CCDC148: variants seen among roughly 807,000 people sequenced by gnomAD.
CCDC148 encodes coiled-coil domain-containing protein 148.
CCDC148 carries 89 observed loss-of-function variants against 85.7 expected under a neutral mutation model. The observed-to-expected ratio is 1.04, with a 90% confidence interval of 0.87 to 1.24. The LOEUF is 1.24. CCDC148 is among the 50% of genes most tolerant of loss of function. The pLI, the probability that CCDC148 is intolerant of heterozygous loss-of-function variation, is 0.00. For missense variants in CCDC148, 692 were observed against 671.7 expected (o/e 1.03, Z -0.33); for synonymous variants, 230 against 213.9 (o/e 1.08, Z -0.66).
chr2:158,403,400 T>G (rs1685868341), intron 1 of CCDC148, among the ~76,000 whole-genome samples: 1 of 151,966 alleles, frequency 6.6e-6, no homozygotes, highest in African/African-American at 2.4e-5. Context: ...TACAGACACC[T>G]TCTCCAGAAG....
chr2:158,420,268 A>G (rs1204163497), intron 1 of CCDC148: 2 of 152,200 alleles, frequency 1.3e-5, no homozygotes, highest in African/African-American at 4.8e-5. Context: ...ATACTCCTCG[A>G]GAAAAGGAAC....
At chr2:158,417,879 C>A (rs1686575376) in intron 1 of CCDC148, among the ~76,000 whole-genome samples, 1 of 152,102 alleles carries the variant, frequency 6.6e-6, no homozygotes, top group Non-Finnish European at 1.5e-5. Context: ...GCAGGTGGTA[C>A]AATTAAAGGT....
At chr2:158,328,195 G>A (rs938840589) in intron 7 of CCDC148, among the ~76,000 whole-genome samples, 2 of 152,018 alleles carry the variant, frequency 1.3e-5, no homozygotes, top group East Asian at 3.9e-4. Context: ...CCCAGTGTGC[G>A]ATGTTGCCCT....
At chr2:158,396,093 C>T (rs1685511469) in intron 1 of CCDC148, among the ~76,000 whole-genome samples, 2 of 152,000 alleles carry the variant, frequency 1.3e-5, no homozygotes, top group Admixed American at 6.6e-5. Flanking sequence ...TTTGAATGTT[C>T]CAAAATTTTT....
At chr2:158,304,420 T>A (rs1217965753) in intron 9 of CCDC148, among the ~76,000 whole-genome samples, 2 of 152,106 alleles carry the variant, frequency 1.3e-5, no homozygotes, top group African/African-American at 2.4e-5. Context: ...GTCATGCTCA[T>A]TTACCTTTGA....
chr2:158,407,170 T>G (rs1686063685), intron 1 of CCDC148, among the ~76,000 whole-genome samples: 2 of 152,182 alleles, frequency 1.3e-5, no homozygotes, highest in Admixed American at 1.3e-4. Flanking sequence ...AACAGTTTTC[T>G]CTGTGGCCAT....
chr2:158,229,962 T>C (rs1440260208), intron 10 of CCDC148, among the ~76,000 whole-genome samples: 1 of 152,170 alleles, frequency 6.6e-6, no homozygotes, highest in East Asian at 1.9e-4. Flanking sequence ...TCACCTATGG[T>C]ATTCCTACCT....
intron 1 of CCDC148, among the ~76,000 whole-genome samples, chr2:158,427,897 C>T (rs1687151734): frequency 6.6e-6 from 1 of 151,998 alleles, no homozygotes; most frequent in Non-Finnish European, 1.5e-5. Context: ...GGGGCATTTT[C>T]CAAAAACTGA....
chr2:158,311,987 A>G lies in CCDC148; in HGVS notation c.903+1769T>C, dbSNP rs1039113278. On this transcript the variant is annotated intron_variant, in intron 8 of 13. Coordinates refer to ENST00000283233, the MANE Select transcript of CCDC148 (RefSeq NM_138803.4). ...GGTCATTCTGAAATGCTCCTCAGAA[A>G]AACATGTGTCTTCCAAAATTGAGAG... Among the ~76,000 whole-genome samples the G allele has an allele frequency of 9.8e-5, 15 of 152,324 alleles. 2 individuals are homozygous for G. In the South Asian group the frequency reaches 3.1e-3, roughly 32 times the overall value.
intron 11 of CCDC148, among the ~76,000 whole-genome samples, chr2:158,201,432 CAG>C (rs1267781977): frequency 2.7e-5 from 4 of 150,732 alleles, no homozygotes; most frequent in African/African-American, 9.8e-5. Context: ...TTTTTGGAGA[CAG>C]GGTCTCACTC....
At chr2:158,430,969 G>C (rs1337311990) in intron 1 of CCDC148, among the ~76,000 whole-genome samples, 1 of 151,818 alleles carries the variant, frequency 6.6e-6, no homozygotes, top group Non-Finnish European at 1.5e-5. Flanking sequence ...ATTAATAGCA[G>C]ATTAGATCTG....
chr2:158,294,539 G>A (rs765289964), intron 9 of CCDC148, among the ~76,000 whole-genome samples: 14 of 152,118 alleles, frequency 9.2e-5, no homozygotes, highest in Middle Eastern at 3.4e-3. Flanking sequence ...TGCCAAAATC[G>A]TATAAAGAAC....
intron 7 of CCDC148, among the ~76,000 whole-genome samples, chr2:158,319,269 G>A (rs1347586830): frequency 4.6e-5 from 7 of 152,148 alleles, no homozygotes; most frequent in South Asian, 4.1e-4. Context: ...CAGGAAAAAT[G>A]AGCCCCATCT....
intron 1 of CCDC148, among the ~76,000 whole-genome samples, chr2:158,405,247 G>A (rs2105309254): frequency 6.6e-6 from 1 of 152,176 alleles, no homozygotes; most frequent in South Asian, 2.1e-4. Flanking sequence ...CCATTATCAA[G>A]TATTACATAT....
At chr2:158,329,338 T>A (rs1692967947) in intron 7 of CCDC148, among the ~76,000 whole-genome samples, 1 of 152,228 alleles carries the variant, frequency 6.6e-6, no homozygotes, top group Non-Finnish European at 1.5e-5. Flanking sequence ...TATGCGGCAT[T>A]ATTTCTGAGG....
At chr2:158,181,989 C>T (rs1684926739) in intron 11 of CCDC148, among the ~76,000 whole-genome samples, 1 of 151,212 alleles carries the variant, frequency 6.6e-6, no homozygotes, top group South Asian at 2.1e-4. Context: ...ATTTAAAGGA[C>T]ATGTAGAAAA....
intron 1 of CCDC148, among the ~76,000 whole-genome samples, chr2:158,386,497 C>T (rs1050657230): frequency 6.6e-6 from 1 of 152,082 alleles, no homozygotes; most frequent in Non-Finnish European, 1.5e-5. Context: ...TAATTTTTCT[C>T]CTACACATTT....
Position 158,313,805 on chromosome 2 carries a change from T to C in CCDC148, c.854A>G (p.Tyr285Cys). The C allele has an allele frequency of 6.2e-7, 1 of 1,614,068 alleles. No individual in the cohort carries two copies. The highest frequency in any genetic ancestry group is 1.7e-5 in the Admixed American group (1 of 60,028). The stretch of plus-strand genomic sequence containing the variant: ...AAAATATCTTTGTAACATGTCCAGA[T>C]ACAGAGTCCTTCTTCCAAAGAGATC... ...PGDLFGRRTL[Y>C]LDMLQRYFPH... The change falls in exon 8 of 14, where the codon TAT (tyrosine) becomes TGT (cysteine). Residue 285 changes from tyrosine (Y) to cysteine (C), a missense_variant. Physicochemically the swap from Tyr to Cys is radical, Grantham distance 194. Coordinates refer to ENST00000283233, the MANE Select transcript of CCDC148 (RefSeq NM_138803.4).
At chr2:158,388,655 C>T (rs752947585) in intron 1 of CCDC148, among the ~76,000 whole-genome samples, 9 of 151,944 alleles carry the variant, frequency 5.9e-5, no homozygotes, top group Non-Finnish European at 8.8e-5. Flanking sequence ...CCACAATGCT[C>T]GGATAATTTT....
Sources: allele counts gnomAD v4.1 joint callset (sites outside exome capture counted in the v4.1 genomes callset), GRCh38; gene constraint gnomAD v4.1.1; transcripts MANE v1.5; gene names NCBI Gene and HGNC (gene_info 2026-07-23, HGNC 2026-07-21).